The following EXOC6B variants were observed in gnomAD, a reference collection of about 807,000 sequenced individuals.
The protein encoded by EXOC6B is SEC15 homolog B.
In EXOC6B, 54 loss-of-function variants were observed where a neutral mutation model predicts 113.5. The observed-to-expected ratio is 0.48, with a 90% CI of 0.38 to 0.60. The LOEUF (loss-of-function observed/expected upper bound fraction) is 0.60, where lower values mean the gene tolerates loss of function less well. Ranked by LOEUF, EXOC6B falls within the 20% of genes least tolerant of loss-of-function variation. The probability of loss-of-function intolerance (pLI) is 0.00; values close to 1 mark genes in which losing one functional copy is unlikely to be tolerated. For synonymous variants in EXOC6B, 357 were observed against 339.0 expected (o/e 1.05, Z -0.58); for missense variants, 797 against 977.5 (o/e 0.82, Z 2.46).
At chr2:72,758,581 T>A (rs1682579168) in intron 1 of EXOC6B, among the ~76,000 whole-genome samples, 1 of 152,212 alleles carries the variant, frequency 6.6e-6, no homozygotes, top group Non-Finnish European at 1.5e-5. Context: ...CTAGAAGCAT[T>A]TGTCTGAGGA....
chr2:72,691,848 T>G (rs552166265), intron 6 of EXOC6B, among the ~76,000 whole-genome samples: 122 of 151,654 alleles, frequency 8.0e-4, no homozygotes, highest in African/African-American at 2.8e-3. Context: ...CACCTGGATT[T>G]TTTTTTTCTA....
intron 2 of EXOC6B, among the ~76,000 whole-genome samples, chr2:72,736,383 T>A (rs1680966215): frequency 6.6e-6 from 1 of 152,172 alleles, no homozygotes; most frequent in Non-Finnish European, 1.5e-5. Flanking sequence ...CTTTTTACAT[T>A]GTCTAAACTA....
At chr2:72,806,161 TCA>T (rs1223772074) in intron 1 of EXOC6B, among the ~76,000 whole-genome samples, 4 of 152,170 alleles carry the variant, frequency 2.6e-5, no homozygotes, top group Admixed American at 1.3e-4. Flanking sequence ...AGGTAGTTTT[TCA>T]ACCCACACTC....
chr2:72,825,711 G>C lies in EXOC6B; in HGVS notation c.113+87C>G. 2.1e-6 allele frequency: 3 copies of C among 1,406,024 alleles called. No individual in the cohort carries two copies. The highest frequency in any genetic ancestry group is 2.8e-6 in the Non-Finnish European group (3 of 1,069,676). The allele number at this position is 1,406,024 out of a possible 1,614,324, so 87.1% of individuals were successfully genotyped here. On this transcript the variant is annotated intron_variant, in intron 1 of 21. Coordinates refer to ENST00000272427, the MANE Select transcript of EXOC6B (RefSeq NM_015189.3). The surrounding 1 kb of genome is among the most constrained non-coding windows in gnomAD (Gnocchi z 4.4). ...GAAGGGAGGGGCCGGCGCCGGACCT[G>C]GGGACAGCCGGCCGGAGGCCCGACC...
intron 20 of EXOC6B, among the ~76,000 whole-genome samples, chr2:72,195,721 A>G (rs1347564720): frequency 6.6e-6 from 1 of 152,240 alleles, no homozygotes; most frequent in Non-Finnish European, 1.5e-5. Flanking sequence ...GCAGAGCTCA[A>G]AAATCTCCTA....
intron 18 of EXOC6B, among the ~76,000 whole-genome samples, chr2:72,384,727 ACTAT>A (rs1691895323): frequency 6.6e-6 from 1 of 152,100 alleles, no homozygotes. Context: ...CTAACAACAA[ACTAT>A]CTGAAAAAGA....
chr2:72,437,826 A>T (rs1054740746), intron 18 of EXOC6B, among the ~76,000 whole-genome samples: 1 of 152,260 alleles, frequency 6.6e-6, no homozygotes, highest in Non-Finnish European at 1.5e-5. Context: ...CTTTAATGAC[A>T]GCAAATAATT....
chr2:72,728,250 C>T (rs970760959), intron 5 of EXOC6B, among the ~76,000 whole-genome samples: 20 of 152,144 alleles, frequency 1.3e-4, no homozygotes, highest in African/African-American at 4.3e-4. Flanking sequence ...TTGGCATCAC[C>T]TAGGAACGTG....
At chr2:72,320,143 T>G (rs1687766594) in intron 20 of EXOC6B, among the ~76,000 whole-genome samples, 1 of 150,894 alleles carries the variant, frequency 6.6e-6, no homozygotes, top group Non-Finnish European at 1.5e-5. Flanking sequence ...CCAAGCTTTT[T>G]TTTCTTAAGA....
At chr2:72,347,472 A>G (rs1163335621) in intron 19 of EXOC6B, among the ~76,000 whole-genome samples, 1 of 152,234 alleles carries the variant, frequency 6.6e-6, no homozygotes, top group African/African-American at 2.4e-5. Context: ...TCTGCAGGAC[A>G]TTTAACAGAA....
At chr2:72,219,100 C>T (rs1388543588) in intron 20 of EXOC6B, among the ~76,000 whole-genome samples, 1 of 152,080 alleles carries the variant, frequency 6.6e-6, no homozygotes, top group African/African-American at 2.4e-5. Flanking sequence ...CACTGGCATT[C>T]CATAGTGATA....
intron 20 of EXOC6B, among the ~76,000 whole-genome samples, chr2:72,228,746 A>G (rs1328942708): frequency 6.6e-6 from 1 of 152,182 alleles, no homozygotes; most frequent in East Asian, 1.9e-4. Flanking sequence ...GTGTCTTTAT[A>G]GCAGCATGAT....
intron 6 of EXOC6B, among the ~76,000 whole-genome samples, chr2:72,711,494 C>A (rs898224095): frequency 4.6e-5 from 7 of 152,178 alleles, no homozygotes; most frequent in African/African-American, 1.7e-4. Context: ...CCGCCAACCT[C>A]TTATCCACAG....
chr2:72,367,525 C>G (rs1243409293), intron 19 of EXOC6B, among the ~76,000 whole-genome samples: 1 of 151,592 alleles, frequency 6.6e-6, no homozygotes. Flanking sequence ...TGCAGGAACA[C>G]CAAATTTTAA....
intron 6 of EXOC6B, among the ~76,000 whole-genome samples, chr2:72,611,721 ATAGTC>A (rs2104093325): frequency 6.6e-6 from 1 of 152,280 alleles, no homozygotes; most frequent in East Asian, 1.9e-4. Flanking sequence ...AAATAAATAA[ATAGTC>A]TAGCTAAATG....
intron 18 of EXOC6B, among the ~76,000 whole-genome samples, chr2:72,451,037 T>A (rs1229271814): frequency 6.6e-6 from 1 of 152,156 alleles, no homozygotes; most frequent in Non-Finnish European, 1.5e-5. Flanking sequence ...TACCTCCTAT[T>A]TCCTTTACCA....
At chr2:72,385,774 A>G (rs915700181) in intron 18 of EXOC6B, among the ~76,000 whole-genome samples, 2 of 152,174 alleles carry the variant, frequency 1.3e-5, no homozygotes, top group African/African-American at 2.4e-5. Context: ...CAACATCACT[A>G]GTCATCAGAA....
rs548975298 is a variant in EXOC6B at position 72,222,837 on chromosome 2, T to C, written c.2197-38650A>G. On this transcript the variant is annotated intron_variant, in intron 20 of 21. Coordinates refer to ENST00000272427, the MANE Select transcript of EXOC6B (RefSeq NM_015189.3). ...CCTAACTGGGCAGAGGGAACTCTCC[T>C]GCTAGGCATCTCACATATTCATTAT... 3.9e-5 allele frequency among the ~76,000 whole-genome samples: 6 copies of C among 152,334 alleles called. No homozygotes were observed. The South Asian group carries it at 1.2e-3, about 32-fold the overall frequency.
chr2:72,471,013 C>A (rs1043257105), intron 17 of EXOC6B, among the ~76,000 whole-genome samples: 10 of 152,146 alleles, frequency 6.6e-5, no homozygotes, highest in East Asian at 1.9e-4. Flanking sequence ...AATGGTATTT[C>A]TAGTTCTAGA....
Sources: allele counts gnomAD v4.1 joint callset (sites outside exome capture counted in the v4.1 genomes callset), GRCh38; gene constraint gnomAD v4.1.1; non-coding constraint Gnocchi (gnomAD v3.1); transcripts MANE v1.5; gene names NCBI Gene and HGNC (gene_info 2026-07-23, HGNC 2026-07-21).